Variants in NRXN1 observed in about 807,000 individuals in gnomAD.
NRXN1 encodes the protein neurexin-1.
Under a neutral mutation model 150.9 loss-of-function variants are expected in NRXN1, and 39 were observed. The observed-to-expected ratio is 0.26, with a 90% CI of 0.20 to 0.34. NRXN1 has a LOEUF of 0.34. Among genes scored for constraint, NRXN1 ranks in the 10% least tolerant of loss-of-function variants. NRXN1 has a pLI of 1.00. For synonymous variants in NRXN1, 924 were observed against 757.0 expected (o/e 1.22, Z -3.62); for missense variants, 1,815 against 1,949.9 (o/e 0.93, Z 1.30).
chr2:50,387,623 A>G (rs1227803968), intron 17 of NRXN1, among the ~76,000 whole-genome samples: 2 of 152,182 alleles, frequency 1.3e-5, no homozygotes, highest in Middle Eastern at 3.2e-3. Flanking sequence ...AGCTCAATTC[A>G]GTTAGTTGTG....
intron 6 of NRXN1, among the ~76,000 whole-genome samples, chr2:50,622,194 G>T (rs547871656): frequency 2.4e-4 from 37 of 152,216 alleles, no homozygotes; most frequent in Non-Finnish European, 4.3e-4. Context: ...GAAGGTCTGG[G>T]GTTCTCAAGA....
chr2:50,909,185 G>A (rs2104065827), intron 5 of NRXN1, among the ~76,000 whole-genome samples: 1 of 152,042 alleles, frequency 6.6e-6, no homozygotes, highest in South Asian at 2.1e-4. Context: ...GCAGATGGCT[G>A]ATTGGCAATA....
intron 17 of NRXN1, among the ~76,000 whole-genome samples, chr2:50,445,077 T>C (rs1334800119): frequency 6.6e-6 from 1 of 152,142 alleles, no homozygotes; most frequent in Non-Finnish European, 1.5e-5. Flanking sequence ...AGACTTTGCC[T>C]CTGGAAGCAT....
chr2:50,369,882 C>A (rs1420872757), intron 17 of NRXN1, among the ~76,000 whole-genome samples: 1 of 151,890 alleles, frequency 6.6e-6, no homozygotes, highest in African/African-American at 2.4e-5. Context: ...ACTACATCAC[C>A]ATTGGGAGGA....
chr2:50,053,510 G>A lies in NRXN1; in HGVS notation c.3889C>T (p.Leu1297Phe). Reference protein sequence around the residue: ...KEQGQPFQGQLSGLYYNGLKV... With the variant: ...KEQGQPFQGQFSGLYYNGLKV... ...AAGCCATTGTAGTACAGCCCAGAGA[G>A]CTGGCCCTGGAAGGGCTGGCCCTGC... Residue 1297 changes from leucine (L) to phenylalanine (F), a missense_variant, in exon 21 of 23, where the codon CTC becomes TTC. Coordinates refer to ENST00000401669, the MANE Select transcript of NRXN1 (RefSeq NM_001330078.2). 1 of 1,614,094 alleles carries A rather than the reference G, an allele frequency of 6.2e-7. No homozygotes were observed. The highest frequency in any genetic ancestry group is 1.3e-5 in the African/African-American group (1 of 75,052).
At chr2:50,276,288 C>T (rs985455142) in intron 17 of NRXN1, among the ~76,000 whole-genome samples, 4 of 152,074 alleles carry the variant, frequency 2.6e-5, no homozygotes, top group African/African-American at 9.7e-5. Context: ...AAGCCTAACA[C>T]TCATTGTGCT....
intron 5 of NRXN1, among the ~76,000 whole-genome samples, chr2:50,664,304 T>C (rs1170544566): frequency 6.6e-6 from 1 of 151,822 alleles, no homozygotes; most frequent in Non-Finnish European, 1.5e-5. Context: ...CAAAGAAACT[T>C]GGCTAAGCCA....
chr2:50,721,638 G>A (rs182181425), intron 5 of NRXN1, among the ~76,000 whole-genome samples: 7 of 152,194 alleles, frequency 4.6e-5, no homozygotes, highest in African/African-American at 1.7e-4. Flanking sequence ...GTGTCAAGGG[G>A]TTTTAAGTAA....
At chr2:49,963,255 C>T (rs988356321) in intron 21 of NRXN1, among the ~76,000 whole-genome samples, 6 of 152,116 alleles carry the variant, frequency 3.9e-5, no homozygotes, top group African/African-American at 1.4e-4. Context: ...AAAATAATGG[C>T]TGGTGACTTA....
intron 18 of NRXN1, among the ~76,000 whole-genome samples, chr2:50,121,156 T>A (rs750414866): frequency 9.8e-5 from 15 of 152,292 alleles, no homozygotes; most frequent in Admixed American, 2.6e-4. Flanking sequence ...CCCAAGTAGC[T>A]GGGATTAGAG....
At chr2:50,723,932 C>A (rs1696995699) in intron 5 of NRXN1, among the ~76,000 whole-genome samples, 1 of 152,174 alleles carries the variant, frequency 6.6e-6, no homozygotes. Context: ...GTTAATTCAA[C>A]ACTAAAGCAA....
chr2:49,971,534 C>A lies in NRXN1; in HGVS notation c.4129-27743G>T, dbSNP rs367612450. Among the ~76,000 whole-genome samples, 61 of 152,216 alleles carry A rather than the reference C, an allele frequency of 4.0e-4. 1 individual carries two copies. The East Asian group carries it at 8.7e-3, about 22-fold the overall frequency. On this transcript the variant is annotated intron_variant, in intron 21 of 22. Coordinates refer to ENST00000401669, the MANE Select transcript of NRXN1 (RefSeq NM_001330078.2). Reference sequence around the variant, plus strand: ...AGAATGTGTCTCTTAGCCTACTGGGCAACCTTGATTGTGCAAAGTCAATGA... The same window carrying A: ...AGAATGTGTCTCTTAGCCTACTGGGAAACCTTGATTGTGCAAAGTCAATGA...
chr2:50,287,893 T>C (rs1471733538), intron 17 of NRXN1, among the ~76,000 whole-genome samples: 1 of 152,128 alleles, frequency 6.6e-6, no homozygotes, highest in Admixed American at 6.6e-5. Context: ...TAGCCTATTA[T>C]TTCCTGATAC....
At chr2:50,980,063 T>C (rs1282384928) in intron 2 of NRXN1, among the ~76,000 whole-genome samples, 1 of 152,152 alleles carries the variant, frequency 6.6e-6, no homozygotes, top group African/African-American at 2.4e-5. Context: ...TGCATATCGT[T>C]CTCTTAGTTT....
chr2:50,955,315 G>A (rs1480646977), intron 2 of NRXN1, among the ~76,000 whole-genome samples: 8 of 152,166 alleles, frequency 5.3e-5, no homozygotes, highest in Non-Finnish European at 7.3e-5. Flanking sequence ...GTCACCAGCT[G>A]TGTATAGTCA....
intron 6 of NRXN1, 100 bp downstream of exon 6, chr2:50,623,214 C>A (rs1680360392): frequency 1.1e-6 from 1 of 898,698 alleles, no homozygotes; most frequent in Admixed American, 2.7e-5. Context: ...GCAAGTGACT[C>A]TGAGGAGCCC....
At chr2:50,546,838 T>C (rs1402298243) in intron 9 of NRXN1, among the ~76,000 whole-genome samples, 2 of 152,126 alleles carry the variant, frequency 1.3e-5, no homozygotes, top group Non-Finnish European at 1.5e-5. Flanking sequence ...AAAATATAAA[T>C]GCACTTAAAA....
intron 15 of NRXN1, among the ~76,000 whole-genome samples, chr2:50,479,009 T>C (rs2090224457): frequency 6.6e-6 from 1 of 152,190 alleles, no homozygotes. Flanking sequence ...AGCCTCCTCA[T>C]CAACACTGTC....
intron 21 of NRXN1, chr2:49,974,175 C>G: frequency 1.4e-6 from 1 of 710,052 alleles, no homozygotes; most frequent in Non-Finnish European, 2.6e-6. Context: ...GTGCCCTGCA[C>G]ACAGATGGGC....
Sources: gnomAD v4.1 joint callset for allele counts (sites outside exome capture counted in the v4.1 genomes callset) on GRCh38, gnomAD v4.1.1 for gene constraint, MANE v1.5 for transcripts, NCBI Gene and HGNC (gene_info 2026-07-23, HGNC 2026-07-21) for gene names.